The following BRI3 variants were observed in gnomAD, a reference collection of about 807,000 sequenced individuals.
BRI3 encodes membrane protein BRI3.
BRI3 carries 6 observed loss-of-function variants against 12.8 expected under a neutral mutation model. The ratio of observed to expected loss-of-function variants is 0.47; its 90% confidence interval spans 0.26 to 0.93. The LOEUF (loss-of-function observed/expected upper bound fraction) is 0.93, where lower values mean the gene tolerates loss of function less well. Ranked by LOEUF, BRI3 falls within the 40% of genes least tolerant of loss-of-function variation. BRI3 has a pLI of 0.15. For missense variants in BRI3, 134 were observed against 171.1 expected (o/e 0.78, Z 1.21); for synonymous variants, 91 against 76.1 (o/e 1.20, Z -1.02).
At chr7:98,317,381 T>C in the BRI3 span, 1 of 1,610,976 alleles carries the variant, frequency 6.2e-7, no homozygotes, top group African/African-American at 1.3e-5. Flanking sequence ...GCTGTGCTTA[T>C]TTTACTGTGG....
At chr7:98,313,223 G>A (rs1016271972), downstream of BRI3, among the ~76,000 whole-genome samples, 1 of 151,056 alleles carries the variant, frequency 6.6e-6, no homozygotes, top group African/African-American at 2.4e-5. Context: ...CAACTCCACA[G>A]AAAGGACTGA....
chr7:98,301,661 T>C (rs1456407410), upstream of BRI3, among the ~76,000 whole-genome samples: 1 of 151,714 alleles, frequency 6.6e-6, no homozygotes, highest in Non-Finnish European at 1.5e-5. Context: ...CTGAAGATGA[T>C]GGTGTGTGTG....
chr7:98,308,203 A>C, exon 2 of BRI3: 1 of 549,140 alleles, frequency 1.8e-6, no homozygotes, highest in Non-Finnish European at 3.5e-6. Flanking sequence ...TGCTTTAGCC[A>C]GGATGGCTCT....
exon 2 of BRI3, chr7:98,307,535 G>A: frequency 4.8e-6 from 7 of 1,456,758 alleles, no homozygotes; most frequent in Non-Finnish European, 6.3e-6. Flanking sequence ...AATAGCCTGG[G>A]ATCGAATAAC....
At chr7:98,304,887 TG>T (rs1800581169), upstream of BRI3, among the ~76,000 whole-genome samples, 1 of 147,356 alleles carries the variant, frequency 6.8e-6, no homozygotes, top group Non-Finnish European at 1.5e-5. Context: ...TTTTTTGAGA[TG>T]GGGTTTCCCT....
chr7:98,282,089 G>A (rs1216941768), intron 1 of BRI3, 152 bp downstream of exon 1: 5 of 1,146,708 alleles, frequency 4.4e-6, no homozygotes, highest in Non-Finnish European at 4.6e-6. Flanking sequence ...GCCGCCGAGG[G>A]CCAGCCTCCC....
rs1330990907 is a variant in BRI3, at chr7:98,299,161, G to A, written c.72-7322G>A. 5.3e-5 allele frequency among the ~76,000 whole-genome samples: 8 copies of A among 152,124 alleles called. No individual in the cohort carries two copies. In the East Asian group the frequency reaches 5.8e-4, roughly 11 times the overall value. On this transcript the variant is annotated intron_variant and NMD_transcript_variant, in intron 1 of 2. Coordinates refer to the BRI3 transcript ENST00000491463. ...CTCCCGAGTAGCTGGGATTACAGGC[G>A]CCTGCCACCATGCCCAGCTAATTTT...
the BRI3 span, chr7:98,320,016 A>T: frequency 2.0e-6 from 3 of 1,532,164 alleles, no homozygotes; most frequent in Non-Finnish European, 1.8e-6. Context: ...CTGGGAGGTC[A>T]GGCAGCCCAA....
downstream of BRI3, chr7:98,293,395 G>T: frequency 1.2e-6 from 1 of 847,926 alleles, no homozygotes; most frequent in Non-Finnish European, 1.9e-6. Flanking sequence ...ATTTGCTTAA[G>T]CAGGCGACAT....
At chr7:98,317,104 C>T in the BRI3 span, 3,374 of 1,322,952 alleles carry the variant, frequency 2.6e-3, 63 homozygotes, top group African/African-American at 0.042. Flanking sequence ...CCTACTGCCT[C>T]GGCCTCCCAA....
chr7:98,293,418 T>A, downstream of BRI3: 1 of 1,075,668 alleles, frequency 9.3e-7, no homozygotes, highest in Non-Finnish European at 1.4e-6. Context: ...GAGTTAGGCC[T>A]CTCCACTGAA....
rs1457201777 is a variant in BRI3 at position 98,291,341 on chromosome 7, T to C, written c.*98T>C. 1.3e-5 allele frequency: 20 copies of C among 1,551,678 alleles called. No individual in the cohort carries two copies. The highest frequency in any genetic ancestry group is 2.3e-5 in the East Asian group (1 of 43,986). Reference sequence around the variant, plus strand: ...ATTTGATTAAGCTTCAGGACTGTTTTGTAAAGCGAGGTGGGACCGATGTGG... The same window carrying C: ...ATTTGATTAAGCTTCAGGACTGTTTCGTAAAGCGAGGTGGGACCGATGTGG... On this transcript the variant is annotated 3_prime_UTR_variant, in exon 3 of 3. Transcript: ENST00000297290.
chr7:98,300,322 C>A (rs1800369165), intron 1 of BRI3, among the ~76,000 whole-genome samples: 1 of 152,214 alleles, frequency 6.6e-6, no homozygotes, highest in Admixed American at 6.5e-5. Context: ...CTGTTTCCCA[C>A]AGCTGCGCTC....
Position 98,281,792 on chromosome 7 carries a change from C to T in BRI3, c.-4C>T. On this transcript the variant is annotated 5_prime_UTR_variant, in exon 1 of 3. Coordinates refer to ENST00000297290, the MANE Select transcript of BRI3 (RefSeq NM_015379.5). ...GCCGGAGCGGCGGGCGCGGCCGGGC[C>T]GCCATGGACCACAAGCCGCTGCTGC... 1 of 1,165,758 alleles carries T rather than the reference C, an allele frequency of 8.6e-7. No individual in the cohort carries two copies. Among genetic ancestry groups the T allele is most frequent in the East Asian group, 3.8e-5 (1 of 26,232 alleles). 72.2% of individuals were successfully genotyped at this position (1,165,758 alleles called of 1,614,324 possible). A position where few individuals can be genotyped will look rare whatever the true frequency, so the allele number is the denominator to read the frequency against.
downstream of BRI3, chr7:98,293,703 A>C: frequency 9.3e-7 from 1 of 1,080,838 alleles, no homozygotes; most frequent in Admixed American, 1.8e-5. Context: ...GCGGCTGACC[A>C]CCTCCCCAGC....
downstream of BRI3, among the ~76,000 whole-genome samples, chr7:98,314,314 T>C (rs980133198): frequency 6.6e-6 from 1 of 152,204 alleles, no homozygotes; most frequent in African/African-American, 2.4e-5. Context: ...AAAAAGTTTA[T>C]AGAAAATACA....
downstream of BRI3, among the ~76,000 whole-genome samples, chr7:98,313,108 C>A (rs1448012669): frequency 2.0e-5 from 3 of 150,450 alleles, no homozygotes; most frequent in Non-Finnish European, 4.4e-5. Flanking sequence ...CCTCACACCA[C>A]CCCTGTCCCC....
chr7:98,281,988 C>T (rs867284095), intron 1 of BRI3, 51 bp downstream of exon 1: 1 of 1,291,236 alleles, frequency 7.7e-7, no homozygotes, highest in Non-Finnish European at 9.8e-7. Context: ...GTGGCAAGCC[C>T]GGTCGGGGGA....
At chr7:98,287,825 A>G (rs1799760719) in intron 2 of BRI3, among the ~76,000 whole-genome samples, 1 of 152,158 alleles carries the variant, frequency 6.6e-6, no homozygotes, top group South Asian at 2.1e-4. Flanking sequence ...TTGCACCATC[A>G]CACCTGGATG....
Sources: allele counts gnomAD v4.1 joint callset (sites outside exome capture counted in the v4.1 genomes callset), GRCh38; gene constraint gnomAD v4.1.1; transcripts MANE v1.5; gene names NCBI Gene and HGNC (gene_info 2026-07-23, HGNC 2026-07-21).